Variants in BRD4 observed in about 807,000 individuals in gnomAD.
The protein encoded by BRD4 is bromodomain containing 4, also known as bromodomain-containing protein 4.
A neutral mutation model predicts 142.1 loss-of-function variants in BRD4; 16 were observed. That is an observed-to-expected ratio of 0.11 (90% CI 0.08 to 0.17). The LOEUF (loss-of-function observed/expected upper bound fraction) is 0.17. Among genes scored for constraint, BRD4 ranks in the 10% least tolerant of loss-of-function variants. The pLI is 1.00. For synonymous variants in BRD4, 833 were observed against 707.5 expected (o/e 1.18, Z -2.82); for missense variants, 1,424 against 1,810.9 (o/e 0.79, Z 3.88).
At chr19:15,315,208 G>A (rs965231676) in intron 1 of BRD4, among the ~76,000 whole-genome samples, 7 of 151,760 alleles carry the variant, frequency 4.6e-5, no homozygotes, top group South Asian at 2.1e-4. Flanking sequence ...ATGAGATCAC[G>A]TGTCATTTTA....
chr19:15,247,192 CCCACTCCAGTGAAGGAGGTAAT>C (rs2047295899), intron 11 of BRD4: 1 of 228,720 alleles, frequency 4.4e-6, no homozygotes, highest in African/African-American at 2.2e-5. Context: ...ACCCCCCAGC[CCCACTCCAGTGAAGGAGGTAAT>C]GGAGGGTAAG....
intron 2 of BRD4, among the ~76,000 whole-genome samples, chr19:15,270,269 G>A (rs1037533478): frequency 1.3e-5 from 2 of 152,240 alleles, no homozygotes; most frequent in African/African-American, 4.8e-5. Context: ...CAGGGTATGG[G>A]TGTGGGGTTT....
At chr19:15,318,661 A>G (rs2048036211) in intron 1 of BRD4, among the ~76,000 whole-genome samples, 1 of 152,196 alleles carries the variant, frequency 6.6e-6, no homozygotes, top group Admixed American at 6.5e-5. Flanking sequence ...ACCCACATCC[A>G]ACACTACCAC....
intron 11 of BRD4, among the ~76,000 whole-genome samples, chr19:15,249,550 TAG>T (rs1368519444): frequency 4.6e-5 from 7 of 152,186 alleles, no homozygotes; most frequent in African/African-American, 1.4e-4. Flanking sequence ...GCTCAGCTTC[TAG>T]AGAGTGGCCC....
At chr19:15,282,176 A>G (rs1017618073) in intron 1 of BRD4, among the ~76,000 whole-genome samples, 4 of 152,266 alleles carry the variant, frequency 2.6e-5, no homozygotes, top group African/African-American at 9.6e-5. Context: ...TGCCATCATC[A>G]TAAAATGAAA....
At chr19:15,247,805 G>A (rs927425244) in intron 11 of BRD4, 1 of 232,582 alleles carries the variant, frequency 4.3e-6, no homozygotes, top group Non-Finnish European at 8.5e-6. Context: ...GGCAAACAGA[G>A]CTTAACTGGA....
At chr19:15,270,212 T>C (rs1006189221) in intron 2 of BRD4, among the ~76,000 whole-genome samples, 19 of 152,200 alleles carry the variant, frequency 1.2e-4, no homozygotes, top group African/African-American at 4.6e-4. Flanking sequence ...CAGCAAGCAC[T>C]GAGGCCCTGC....
chr19:15,316,291 A>T (rs1454365019), intron 1 of BRD4, among the ~76,000 whole-genome samples: 3 of 151,960 alleles, frequency 2.0e-5, no homozygotes, highest in Non-Finnish European at 4.4e-5. Context: ...CTTCCCCCCA[A>T]CCATCCCGCT....
chr19:15,304,756 C>T (rs996426283), intron 1 of BRD4, among the ~76,000 whole-genome samples: 4 of 152,108 alleles, frequency 2.6e-5, no homozygotes, highest in Non-Finnish European at 2.9e-5. Context: ...ACAAGAACCT[C>T]GCACAGGGCA....
chr19:15,250,696 G>C (rs151057402), intron 11 of BRD4, among the ~76,000 whole-genome samples: 5 of 152,196 alleles, frequency 3.3e-5, no homozygotes, highest in Non-Finnish European at 7.4e-5. Flanking sequence ...AGGGACATAA[G>C]CTGTGGGGAC....
chr19:15,245,101 T>C (rs1568378885), intron 11 of BRD4: 1 of 387,378 alleles, frequency 2.6e-6, no homozygotes, highest in Non-Finnish European at 4.7e-6. Flanking sequence ...AGTGACTGAG[T>C]GCATGGCCTG....
At chr19:15,320,250 T>C (rs2048050169) in intron 1 of BRD4, among the ~76,000 whole-genome samples, 1 of 152,098 alleles carries the variant, frequency 6.6e-6, no homozygotes, top group Non-Finnish European at 1.5e-5. Flanking sequence ...AGGAAAACGA[T>C]TATTACAGTA....
Position 15,261,301 on chromosome 19 carries a change from C to T in BRD4, c.1341+2119G>A, listed in dbSNP as rs557900931. On this transcript the variant is annotated intron_variant, in intron 7 of 19. Coordinates refer to ENST00000679869, the MANE Select transcript of BRD4 (RefSeq NM_001379291.1). ...GAAGTTCAAGACCAGCCTGACCAAT[C>T]GGCAAAACCCCCTCTCTACTAAAAA... Among the ~76,000 whole-genome samples, 17 of 99,148 alleles carry T rather than the reference C, an allele frequency of 1.7e-4. No homozygotes were observed. In the South Asian group the frequency reaches 4.5e-3, roughly 26 times the overall value. 65.0% of individuals were successfully genotyped at this position (99,148 alleles called of 152,430 possible). A position where few individuals can be genotyped will look rare whatever the true frequency, so the allele number is the denominator to read the frequency against.
Position 15,238,264 on chromosome 19 carries a change from G to A in BRD4, c.*113C>T, listed in dbSNP as rs2047209702. The A allele has an allele frequency of 6.5e-7, 1 of 1,535,076 alleles. No individual in the cohort carries two copies. The highest frequency in any genetic ancestry group is 8.8e-7 in the Non-Finnish European group (1 of 1,134,622). ...TGCCCCGGGCATAGCATGCAGGAGG[G>A]CCAGGCCCTGAGGCATCCCCTGGCC... On this transcript the variant is annotated 3_prime_UTR_variant, in exon 20 of 20. Coordinates refer to ENST00000679869, the MANE Select transcript of BRD4 (RefSeq NM_001379291.1). This position sits in a 1 kb window ranked among gnomAD's most constrained non-coding sequence, Gnocchi z 7.2.
At chr19:15,242,290 T>C (rs2047244256) in intron 14 of BRD4, among the ~76,000 whole-genome samples, 1 of 152,154 alleles carries the variant, frequency 6.6e-6, no homozygotes, top group Non-Finnish European at 1.5e-5. Flanking sequence ...GAACATCCCC[T>C]GCCGGAGCCA....
chr19:15,329,373 C>A (rs1013652911), intron 1 of BRD4, among the ~76,000 whole-genome samples: 1 of 152,164 alleles, frequency 6.6e-6, no homozygotes, highest in African/African-American at 2.4e-5. Context: ...ACACACTATA[C>A]AGTAGGTTGT....
At chr19:15,294,232 T>C (rs1234948452) in intron 1 of BRD4, among the ~76,000 whole-genome samples, 3 of 152,264 alleles carry the variant, frequency 2.0e-5, no homozygotes, top group African/African-American at 7.2e-5. Context: ...GGCGAAATGT[T>C]CTTGTTCCCT....
intron 1 of BRD4, among the ~76,000 whole-genome samples, chr19:15,296,816 T>C (rs758492924): frequency 2.6e-5 from 4 of 152,224 alleles, no homozygotes; most frequent in Non-Finnish European, 5.9e-5. Flanking sequence ...AAAGGAGTTG[T>C]GTTGACAGAG....
At chr19:15,257,234 C>A in intron 7 of BRD4, 61 bp from the exon 8 acceptor site, 1 of 1,476,702 alleles carries the variant, frequency 6.8e-7, no homozygotes, top group South Asian at 1.3e-5. Flanking sequence ...CCTAGCATCA[C>A]CTGCCCTCAT....
Sources: gnomAD v4.1 joint callset for allele counts (sites outside exome capture counted in the v4.1 genomes callset) on GRCh38, gnomAD v4.1.1 for gene constraint, Gnocchi (gnomAD v3.1) non-coding constraint, MANE v1.5 for transcripts, NCBI Gene and HGNC (gene_info 2026-07-23, HGNC 2026-07-21) for gene names.